The following SBF2 variants were observed in gnomAD, a reference collection of about 807,000 sequenced individuals.
SBF2 encodes the protein myotubularin-related protein 13.
A neutral mutation model predicts 225.2 loss-of-function variants in SBF2; 112 were observed. The ratio of observed to expected loss-of-function variants is 0.50; its 90% CI spans 0.43 to 0.58. SBF2 has a LOEUF of 0.58. Ranked by LOEUF, SBF2 falls within the 20% of genes least tolerant of loss-of-function variation. The probability of loss-of-function intolerance (pLI) is 0.00; values close to 1 mark genes in which losing one functional copy is unlikely to be tolerated. For synonymous variants in SBF2, 763 were observed against 773.3 expected (o/e 0.99, Z 0.22); for missense variants, 1,996 against 2,206.2 (o/e 0.90, Z 1.91).
At chr11:10,199,409 C>T (rs1336218198) in intron 1 of SBF2, among the ~76,000 whole-genome samples, 2 of 151,814 alleles carry the variant, frequency 1.3e-5, no homozygotes, top group African/African-American at 4.8e-5. Flanking sequence ...TGTGAGATTA[C>T]CAAAATGCGA....
chr11:10,119,237 T>C (rs1455246201), intron 2 of SBF2, among the ~76,000 whole-genome samples: 1 of 152,148 alleles, frequency 6.6e-6, no homozygotes, highest in Admixed American at 6.5e-5. Context: ...ATGACAAAGC[T>C]TGTCTTAGTA....
At chr11:10,215,604 T>G (rs1293516032) in intron 1 of SBF2, among the ~76,000 whole-genome samples, 1 of 152,070 alleles carries the variant, frequency 6.6e-6, no homozygotes, top group Non-Finnish European at 1.5e-5. Flanking sequence ...GCCTGGGTGA[T>G]AGAGCAAGAC....
intron 1 of SBF2, among the ~76,000 whole-genome samples, chr11:10,208,018 T>C (rs868473731): frequency 4.6e-5 from 7 of 152,108 alleles, no homozygotes; most frequent in Middle Eastern, 3.2e-3. Flanking sequence ...GATAAACTAA[T>C]CTAAGAAAGT....
chr11:9,781,710 T>G, intron 38 of SBF2, 72 bp from the exon 39 acceptor site: 2 of 1,549,378 alleles, frequency 1.3e-6, no homozygotes, highest in Non-Finnish European at 1.8e-6. Context: ...CAAACTGCAT[T>G]TGAATACCTT....
intron 2 of SBF2, among the ~76,000 whole-genome samples, chr11:10,062,390 A>G (rs374451068): frequency 1.1e-4 from 16 of 152,198 alleles, no homozygotes; most frequent in African/African-American, 3.6e-4. Flanking sequence ...AACTATCAAC[A>G]GAGTAAAGAG....
At chr11:9,889,198 C>A (rs987217299) in intron 17 of SBF2, among the ~76,000 whole-genome samples, 1 of 152,228 alleles carries the variant, frequency 6.6e-6, no homozygotes, top group Admixed American at 6.5e-5. Flanking sequence ...ATGTCACCAA[C>A]TGATTAGGTC....
At chr11:10,175,611 A>G (rs1202031510) in intron 2 of SBF2, among the ~76,000 whole-genome samples, 1 of 151,100 alleles carries the variant, frequency 6.6e-6, no homozygotes, top group Non-Finnish European at 1.5e-5. Flanking sequence ...AACGAGACAG[A>G]AAGTCAACAA....
intron 2 of SBF2, among the ~76,000 whole-genome samples, chr11:10,173,889 C>T (rs952698882): frequency 1.2e-4 from 18 of 151,980 alleles, no homozygotes; most frequent in African/African-American, 2.4e-4. Context: ...AGGCACCCCC[C>T]AGCAGGGGCA....
chr11:10,015,008 A>G (rs1337069196), intron 6 of SBF2, among the ~76,000 whole-genome samples: 1 of 152,038 alleles, frequency 6.6e-6, no homozygotes, highest in Non-Finnish European at 1.5e-5. Flanking sequence ...GTGTGTGCCC[A>G]TAGTTTCAGC....
intron 1 of SBF2, among the ~76,000 whole-genome samples, chr11:10,267,734 T>TTTATTC (rs1256488111): frequency 6.6e-6 from 1 of 152,190 alleles, no homozygotes; most frequent in Non-Finnish European, 1.5e-5. Context: ...GACTTTATTC[T>TTTATTC]TCTACAACCA....
chr11:9,788,962 G>T (rs1289496894), intron 35 of SBF2, 147 bp downstream of exon 35: 2 of 709,446 alleles, frequency 2.8e-6, no homozygotes, highest in Non-Finnish European at 5.0e-6. Flanking sequence ...CCCCACTGAT[G>T]ATGGGGAGCA....
At chr11:9,788,219 G>A (rs1379417230) in intron 35 of SBF2, among the ~76,000 whole-genome samples, 2 of 152,188 alleles carry the variant, frequency 1.3e-5, no homozygotes, top group Non-Finnish European at 2.9e-5. Context: ...CTTCTGACAG[G>A]GAAGCTGGAA....
At chr11:9,809,326 TC>T (rs1268153579) in intron 30 of SBF2, 8 of 270,606 alleles carry the variant, frequency 3.0e-5, no homozygotes, top group East Asian at 2.6e-4. Flanking sequence ...AAATGACACT[TC>T]AAAAAAGTAG....
intron 17 of SBF2, among the ~76,000 whole-genome samples, chr11:9,873,847 G>A (rs545227632): frequency 4.6e-5 from 7 of 152,242 alleles, no homozygotes; most frequent in East Asian, 3.9e-4. Flanking sequence ...TCAGGAGTTC[G>A]AGACCAGACT....
chr11:9,820,788 TAAAA>T (rs1221394181), intron 28 of SBF2, among the ~76,000 whole-genome samples: 6 of 152,136 alleles, frequency 3.9e-5, no homozygotes, highest in Non-Finnish European at 7.4e-5. Context: ...GAAAGGAAAA[TAAAA>T]ACTCAGGACT....
chr11:10,086,523 A>T (rs11042616), intron 2 of SBF2, among the ~76,000 whole-genome samples: 4,645 of 152,234 alleles, frequency 0.031, 187 homozygotes, highest in African/African-American at 0.096. Context: ...TTCTCCAAAA[A>T]TTCCTGTCCC....
intron 2 of SBF2, among the ~76,000 whole-genome samples, chr11:10,063,320 T>C (rs1950511730): frequency 8.7e-6 from 1 of 114,918 alleles, no homozygotes; most frequent in Admixed American, 1.0e-4. Flanking sequence ...TAACCTAAAG[T>C]AAAAAAAATA....
At chr11:9,978,227 GT>G (rs1480846360) in intron 13 of SBF2, among the ~76,000 whole-genome samples, 2 of 152,096 alleles carry the variant, frequency 1.3e-5, no homozygotes, top group Admixed American at 1.3e-4. Flanking sequence ...ATCATGTTCT[GT>G]TTTTTAACTT....
chr11:9,959,181 A>G (rs1217852970), intron 16 of SBF2: 9 of 806,314 alleles, frequency 1.1e-5, no homozygotes, highest in Non-Finnish European at 1.8e-5. Context: ...TGATTCCTTC[A>G]CAGGGTCCGA....
Sources: allele counts gnomAD v4.1 joint callset (sites outside exome capture counted in the v4.1 genomes callset), GRCh38; gene constraint gnomAD v4.1.1; transcripts MANE v1.5; gene names NCBI Gene and HGNC (gene_info 2026-07-23, HGNC 2026-07-21).